Variants in ANO3 observed in about 807,000 individuals in gnomAD.
ANO3 encodes the protein anoctamin-3.
Under a neutral mutation model 144.8 loss-of-function variants are expected in ANO3, and 99 were observed. The ratio of observed to expected loss-of-function variants is 0.68; its 90% CI spans 0.58 to 0.81. The LOEUF is 0.81. Among genes scored for constraint, ANO3 ranks in the 30% least tolerant of loss-of-function variants. The pLI is 0.00. For missense variants in ANO3, 905 were observed against 1,202.2 expected (o/e 0.75, Z 3.66); for synonymous variants, 414 against 392.6 (o/e 1.05, Z -0.64).
intron 1 of ANO3, among the ~76,000 whole-genome samples, chr11:26,203,323 C>A (rs141578448): frequency 6.6e-6 from 1 of 152,214 alleles, no homozygotes; most frequent in East Asian, 1.9e-4. Context: ...CAACATTGTA[C>A]GCTACCTTTT....
intron 1 of ANO3, among the ~76,000 whole-genome samples, chr11:26,212,362 C>CTCTTGCTTTTCT (rs1851951742): frequency 6.8e-6 from 1 of 146,564 alleles, no homozygotes; most frequent in Non-Finnish European, 1.5e-5. Flanking sequence ...GTTTTTTTTT[C>CTCTTGCTTTTCT]AAAGATTAAC....
intron 14 of ANO3, among the ~76,000 whole-genome samples, chr11:26,566,719 C>G (rs1454522781): frequency 6.6e-6 from 1 of 151,794 alleles, no homozygotes; most frequent in Non-Finnish European, 1.5e-5. Flanking sequence ...ATCATTCCGC[C>G]TCTTAAGTGT....
At chr11:26,251,767 G>A (rs1852933962) in intron 1 of ANO3, among the ~76,000 whole-genome samples, 1 of 152,188 alleles carries the variant, frequency 6.6e-6, no homozygotes. Flanking sequence ...CATGGTGGCA[G>A]GACAGAGTGT....
chr11:26,375,044 G>A (rs111973696), intron 1 of ANO3, among the ~76,000 whole-genome samples: 5 of 152,080 alleles, frequency 3.3e-5, no homozygotes, highest in African/African-American at 7.2e-5. Flanking sequence ...ATGCCTGGCC[G>A]TGTGCACTTT....
At chr11:26,257,360 G>T (rs1372633444) in intron 1 of ANO3, among the ~76,000 whole-genome samples, 1 of 151,970 alleles carries the variant, frequency 6.6e-6, no homozygotes, top group South Asian at 2.1e-4. Flanking sequence ...CACTGATGGA[G>T]ACATAAGCTA....
intron 1 of ANO3, among the ~76,000 whole-genome samples, chr11:26,400,517 C>T (rs957597637): frequency 2.6e-5 from 4 of 151,844 alleles, no homozygotes; most frequent in African/African-American, 9.7e-5. Context: ...ACCTTCTGGT[C>T]CTTGAACATA....
At chr11:26,301,751 GT>G (rs1315206311) in intron 1 of ANO3, among the ~76,000 whole-genome samples, 3 of 152,244 alleles carry the variant, frequency 2.0e-5, no homozygotes, top group African/African-American at 7.2e-5. Context: ...ATGATAAAAT[GT>G]TTTATTTCTT....
chr11:26,614,415 T>G (rs1201209786), intron 17 of ANO3, among the ~76,000 whole-genome samples: 1 of 152,146 alleles, frequency 6.6e-6, no homozygotes, highest in Non-Finnish European at 1.5e-5. Context: ...CATGGTACTG[T>G]AGGCACTATG....
intron 4 of ANO3, among the ~76,000 whole-genome samples, chr11:26,468,309 A>G (rs969501712): frequency 8.6e-5 from 13 of 151,956 alleles, no homozygotes; most frequent in African/African-American, 3.1e-4. Context: ...TTAACTACAG[A>G]TATTGCCATT....
intron 5 of ANO3, among the ~76,000 whole-genome samples, chr11:26,512,752 C>T (rs957749376): frequency 1.1e-4 from 16 of 152,054 alleles, no homozygotes; most frequent in Non-Finnish European, 2.1e-4. Flanking sequence ...TATTTTACAT[C>T]CTAGAGGTTG....
chr11:26,660,532 C>T lies in ANO3; in HGVS notation c.*88C>T. 7.9e-7 allele frequency: 1 copy of T among 1,261,168 alleles called. No individual in the cohort carries two copies. Among genetic ancestry groups the T allele is most frequent in the Non-Finnish European group, 1.1e-6 (1 of 918,046 alleles). The allele number at this position is 1,261,168 out of a possible 1,614,324, so 78.1% of individuals were successfully genotyped here. On this transcript the variant is annotated 3_prime_UTR_variant, in exon 27 of 27. Transcript: ENST00000256737. ...TGCTAGGTGAAATCTAGGAGGAAGGCATACTTGGCAAACCACATGTATAAT... is the reference window on the plus strand; with the variant it reads ...TGCTAGGTGAAATCTAGGAGGAAGGTATACTTGGCAAACCACATGTATAAT...
At chr11:26,517,972 A>G (rs1028808920) in intron 6 of ANO3, among the ~76,000 whole-genome samples, 2 of 152,042 alleles carry the variant, frequency 1.3e-5, no homozygotes, top group African/African-American at 4.8e-5. Flanking sequence ...TAAACACCTA[A>G]ATTAGCTTAT....
rs766030654 is a variant in ANO3, at chr11:26,516,944, CTTTAT to C, written c.692+23_692+27del. 1.7e-5 allele frequency: 26 copies of C among 1,507,214 alleles called. 1 individual carries two copies. The highest frequency in any genetic ancestry group is 2.4e-5 in the Non-Finnish European group (26 of 1,087,998). The allele number at this position is 1,507,214 out of a possible 1,614,324, so 93.4% of individuals were successfully genotyped here. A position where few individuals can be genotyped will look rare whatever the true frequency, so the allele number is the denominator to read the frequency against. On this transcript the variant is annotated intron_variant, in intron 6 of 26. Transcript: ENST00000256737. ...GCCCTTCAGGTACTTTCAAATTTTA[CTTTAT>C]TTTATCTCAATATATATTAAAATGA... is the stretch of plus-strand genomic sequence containing the variant.
At chr11:26,480,030 G>T (rs1313457874) in intron 4 of ANO3, among the ~76,000 whole-genome samples, 1 of 152,202 alleles carries the variant, frequency 6.6e-6, no homozygotes, top group Non-Finnish European at 1.5e-5. Flanking sequence ...GGACTAGATT[G>T]TGCATGTGCA....
At position 26,461,691 on chromosome 11, in the gene ANO3, C is replaced by T. The variant is rs538622169; in HGVS notation, c.314-1339C>T. Among the ~76,000 whole-genome samples, 12 of 152,160 alleles carry T rather than the reference C, an allele frequency of 7.9e-5. No individual in the cohort carries two copies. In the South Asian group the frequency reaches 2.5e-3, roughly 32 times the overall value. ...ATATGGGGGAAACATATTATATTCA[C>T]AAGCATGCGCTTTGGAATCAGATCA... On this transcript the variant is annotated intron_variant, in intron 3 of 26. Transcript: ENST00000256737.
intron 1 of ANO3, among the ~76,000 whole-genome samples, chr11:26,347,337 G>A (rs2133907742): frequency 6.6e-6 from 1 of 152,294 alleles, no homozygotes; most frequent in South Asian, 2.1e-4. Context: ...AACGTTTCTT[G>A]ATTATCAAAA....
chr11:26,648,990 T>C lies in ANO3; in HGVS notation c.2576+1134T>C, dbSNP rs187272250. On this transcript the variant is annotated intron_variant, in intron 24 of 26. Coordinates refer to ENST00000256737, the MANE Select transcript of ANO3 (RefSeq NM_031418.4). ...TTGTTTCAGATAGGTGATAAAGGGA[T>C]GGATATTTCCTTTATGTATTGCATA... 1.1e-3 allele frequency among the ~76,000 whole-genome samples: 160 copies of C among 152,346 alleles called. 1 individual carries two copies. Among genetic ancestry groups the C allele is most frequent in the Non-Finnish European group, 2.0e-3 (138 of 68,032 alleles).
At chr11:26,265,924 C>G (rs908143922) in intron 1 of ANO3, among the ~76,000 whole-genome samples, 2 of 152,166 alleles carry the variant, frequency 1.3e-5, no homozygotes, top group African/African-American at 4.8e-5. Flanking sequence ...AAAAAGTAAG[C>G]CTTTAATTCC....
intron 12 of ANO3, among the ~76,000 whole-genome samples, chr11:26,553,025 T>G (rs962292215): frequency 6.6e-6 from 1 of 152,200 alleles, no homozygotes; most frequent in African/African-American, 2.4e-5. Flanking sequence ...GACAGCATTT[T>G]CTAAAATTAA....
Sources: gnomAD v4.1 joint callset for allele counts (sites outside exome capture counted in the v4.1 genomes callset) on GRCh38, gnomAD v4.1.1 for gene constraint, MANE v1.5 for transcripts, NCBI Gene and HGNC (gene_info 2026-07-23, HGNC 2026-07-21) for gene names.